Variants in AVL9 observed in about 807,000 individuals in gnomAD.
AVL9 encodes AVL9 cell migration associated, also known as late secretory pathway protein AVL9 homolog.
In AVL9, 49 loss-of-function variants were observed where a neutral mutation model predicts 79.2. The ratio of observed to expected loss-of-function variants is 0.62; its 90% confidence interval spans 0.49 to 0.79. The LOEUF (loss-of-function observed/expected upper bound fraction) is 0.79. Ranked by LOEUF, AVL9 falls within the 30% of genes least tolerant of loss-of-function variation. The pLI is 0.00. For missense variants in AVL9, 682 were observed against 776.8 expected (o/e 0.88, Z 1.45); for synonymous variants, 299 against 280.6 (o/e 1.07, Z -0.65).
At chr7:32,533,203 A>C (rs1788746567) in intron 1 of AVL9, 1 of 152,232 alleles carries the variant, frequency 6.6e-6, no homozygotes, top group South Asian at 2.1e-4. Flanking sequence ...GCTACTCGGG[A>C]GGCTGAGGCA....
At chr7:32,512,980 T>G (rs1298453604) in intron 1 of AVL9, among the ~76,000 whole-genome samples, 3 of 152,192 alleles carry the variant, frequency 2.0e-5, no homozygotes, top group Admixed American at 6.5e-5. Flanking sequence ...CATGGAGAGA[T>G]AACTGTGCAC....
chr7:32,542,010 A>T (rs956004841), intron 1 of AVL9, among the ~76,000 whole-genome samples: 1 of 152,076 alleles, frequency 6.6e-6, no homozygotes, highest in African/African-American at 2.4e-5. Context: ...CACCGTGCCC[A>T]GCCAATTTTT....
intron 7 of AVL9, among the ~76,000 whole-genome samples, chr7:32,554,149 T>C (rs1451674944): frequency 6.6e-6 from 1 of 152,230 alleles, no homozygotes; most frequent in Non-Finnish European, 1.5e-5. Context: ...TATATACTTA[T>C]ACCTTCTGAT....
intron 1 of AVL9, chr7:32,535,996 G>T (rs577059215): frequency 6.6e-6 from 1 of 152,082 alleles, no homozygotes; most frequent in Non-Finnish European, 1.5e-5. Context: ...TTTGCCTTCC[G>T]CCATGATTAT....
At position 32,548,910 on chromosome 7, in the gene AVL9, A is replaced by T; in HGVS notation, c.364A>T (p.Ser122Cys). ...TGTTCAGAAAAGTGTCTGTGTTCTA[A>T]GCAAGCTGGTAAGAGACGAAGTAAC... ...ETVQKSVCVLSKLPLYGLLQA... is the reference protein window; with the variant it reads ...ETVQKSVCVLCKLPLYGLLQA... The change falls in exon 4 of 16, where the codon AGC becomes TGC. Residue 122 changes from serine to cysteine, a missense_variant. Transcript: ENST00000318709. 1 of 1,565,316 alleles carries T rather than the reference A, an allele frequency of 6.4e-7. No homozygotes were observed. Among genetic ancestry groups the T allele is most frequent in the South Asian group, 1.2e-5 (1 of 80,466 alleles).
chr7:32,537,008 A>G (rs1788943001), intron 1 of AVL9: 1 of 152,140 alleles, frequency 6.6e-6, no homozygotes, highest in African/African-American at 2.4e-5. Context: ...AGGGGTTTTT[A>G]TGGAGGTTTC....
chr7:32,530,898 A>G (rs1044246796), intron 1 of AVL9, among the ~76,000 whole-genome samples: 7 of 152,160 alleles, frequency 4.6e-5, no homozygotes, highest in Non-Finnish European at 1.0e-4. Flanking sequence ...GGAGGTTGCA[A>G]TGAGCCAAGA....
intron 1 of AVL9, among the ~76,000 whole-genome samples, chr7:32,508,413 A>T (rs189618084): frequency 1.2e-4 from 18 of 147,604 alleles, no homozygotes; most frequent in African/African-American, 4.4e-4. Flanking sequence ...AAATAATCAG[A>T]TAAAACTAAT....
At chr7:32,533,551 C>T (rs1788762414) in intron 1 of AVL9, 1 of 152,112 alleles carries the variant, frequency 6.6e-6, no homozygotes, top group Non-Finnish European at 1.5e-5. Flanking sequence ...ATTGACTTTT[C>T]AAGAGATATG....
intron 10 of AVL9, among the ~76,000 whole-genome samples, chr7:32,568,223 TG>T (rs1308268121): frequency 6.7e-6 from 1 of 148,410 alleles, no homozygotes; most frequent in Non-Finnish European, 1.5e-5. Context: ...TTTTTTGAGA[TG>T]GAGTCTTACT....
At chr7:32,562,668 C>T (rs1790378986) in intron 10 of AVL9, 1 of 978,442 alleles carries the variant, frequency 1.0e-6, no homozygotes, top group African/African-American at 1.8e-5. Flanking sequence ...ACCTGTAATC[C>T]CAGCACTTTG....
At chr7:32,582,373 G>A (rs374695213) in intron 15 of AVL9, among the ~76,000 whole-genome samples, 4,538 of 71,856 alleles carry the variant, frequency 0.063, 212 homozygotes, top group African/African-American at 0.15. Context: ...TACCTAGAGA[G>A]AGACAGAAAA....
intron 1 of AVL9, among the ~76,000 whole-genome samples, chr7:32,531,396 T>G (rs1192567644): frequency 1.9e-5 from 2 of 106,852 alleles, no homozygotes; most frequent in African/African-American, 7.8e-5. Flanking sequence ...ATGACCTTTA[T>G]ATGAATATAC....
At position 32,558,616 on chromosome 7, in the gene AVL9, T is replaced by C; in HGVS notation, c.667T>C (p.Ser223Pro). ...KLVGALMTVL[S>P]LFPGMIEHGL... is the part of the protein sequence containing the mutation. ...GGTGGGTGCACTGATGACTGTGTTA[T>C]CCCTTTTTCCAGGTAAGAAAACAGC... is the stretch of plus-strand genomic sequence containing the variant. Residue 223 changes from serine to proline, a missense_variant, in exon 9 of 16, where the codon TCC becomes CCC. Physicochemically the swap from Ser to Pro is moderately conservative, Grantham distance 74. Coordinates refer to ENST00000318709, the MANE Select transcript of AVL9 (RefSeq NM_015060.3). 1 of 1,610,588 alleles carries C rather than the reference T, an allele frequency of 6.2e-7. No individual in the cohort carries two copies. Among genetic ancestry groups the C allele is most frequent in the Non-Finnish European group, 8.5e-7 (1 of 1,178,708 alleles).
At chr7:32,540,744 C>A (rs538925841) in intron 1 of AVL9, among the ~76,000 whole-genome samples, 21 of 152,240 alleles carry the variant, frequency 1.4e-4, no homozygotes, top group African/African-American at 4.8e-4. Flanking sequence ...TACATTCCTA[C>A]AGCCGGCTTC....
At chr7:32,570,245 GTAATGA>G in intron 11 of AVL9, 91 bp downstream of exon 11, 1 of 1,493,686 alleles carries the variant, frequency 6.7e-7, no homozygotes, top group Non-Finnish European at 9.2e-7. Flanking sequence ...AACAACATTA[GTAATGA>G]TAATAACTGC....
At chr7:32,549,324 A>G (rs1162254562) in intron 4 of AVL9, among the ~76,000 whole-genome samples, 1 of 151,370 alleles carries the variant, frequency 6.6e-6, no homozygotes, top group Non-Finnish European at 1.5e-5. Flanking sequence ...TCCTAGGCTC[A>G]AGCAATCCTC....
intron 1 of AVL9, among the ~76,000 whole-genome samples, chr7:32,500,957 T>C (rs1316557713): frequency 6.6e-6 from 1 of 152,166 alleles, no homozygotes; most frequent in East Asian, 1.9e-4. Context: ...TCTGTCCCGT[T>C]GGTCTATATG....
intron 1 of AVL9, among the ~76,000 whole-genome samples, chr7:32,504,600 TGA>T (rs1381622359): frequency 6.6e-6 from 1 of 152,196 alleles, no homozygotes; most frequent in Non-Finnish European, 1.5e-5. Flanking sequence ...ATCTATAAAA[TGA>T]GAGTTTTAAA....
Sources: allele counts gnomAD v4.1 joint callset (sites outside exome capture counted in the v4.1 genomes callset), GRCh38; gene constraint gnomAD v4.1.1; transcripts MANE v1.5; gene names NCBI Gene and HGNC (gene_info 2026-07-23, HGNC 2026-07-21).